Variants in GRAP2 observed in about 807,000 individuals in gnomAD.
GRAP2 encodes GRB2 related adaptor protein 2.
Under a neutral mutation model 43.5 loss-of-function variants are expected in GRAP2, and 31 were observed. The observed-to-expected ratio is 0.71, with a 90% CI of 0.54 to 0.96. The LOEUF (loss-of-function observed/expected upper bound fraction) is 0.96, where lower values mean the gene tolerates loss of function less well. GRAP2 is among the 40% of genes least tolerant of loss of function. The probability of loss-of-function intolerance (pLI) is 0.00; values close to 1 mark genes in which losing one functional copy is unlikely to be tolerated. For synonymous variants in GRAP2, 156 were observed against 164.8 expected (o/e 0.95, Z 0.41); for missense variants, 371 against 424.4 (o/e 0.87, Z 1.11).
In GRAP2 at chr22:39,971,351, C is replaced by T. The variant is rs547919941; in HGVS notation, c.*267C>T. ...GGCAGTGGGGGAGTTGGGAGGGGGG[C>T]AGGGAAATGAAATGGAGTTTTGTCC... On this transcript the variant is annotated 3_prime_UTR_variant, in exon 8 of 8. Transcript: ENST00000344138. The T allele has an allele frequency of 1.7e-4, 76 of 449,180 alleles. No individual in the cohort carries two copies. The highest frequency in any genetic ancestry group is 3.6e-5 in the South Asian group (1 of 28,162). The allele number at this position is 449,180 out of a possible 1,614,324, so 27.8% of individuals were successfully genotyped here.
intron 2 of GRAP2, chr22:39,947,956 CCCTCAGATAGCCTGATCCCTGGT>C (rs1319410807): frequency 5.2e-4 from 80 of 152,440 alleles, no homozygotes; most frequent in South Asian, 1.2e-3. Context: ...CCTCAGAGCA[CCCTCAGATAGCCTGATCCCTGGT>C]CCTCAGATAG....
intron 1 of GRAP2, among the ~76,000 whole-genome samples, chr22:39,911,630 G>A (rs181651933): frequency 6.6e-6 from 1 of 151,972 alleles, no homozygotes; most frequent in Non-Finnish European, 1.5e-5. Flanking sequence ...CAGTTTTTTT[G>A]TTCCTTATAG....
At chr22:39,927,546 C>G (rs1038383643) in intron 1 of GRAP2, among the ~76,000 whole-genome samples, 3 of 152,204 alleles carry the variant, frequency 2.0e-5, no homozygotes, top group Admixed American at 2.0e-4. Context: ...TTTTCTTCCT[C>G]AAACAAATGG....
At chr22:39,907,666 C>G (rs550689685) in intron 1 of GRAP2, among the ~76,000 whole-genome samples, 299 of 152,070 alleles carry the variant, frequency 2.0e-3, no homozygotes, top group Non-Finnish European at 3.5e-3. Flanking sequence ...CCCTTGAGCC[C>G]AAGAGATCAA....
At position 39,970,978 on chromosome 22, in the gene GRAP2, A is replaced by C. The variant is rs1169777491; in HGVS notation, c.887A>C (p.Glu296Ala). Reference protein sequence around the residue: ...EDDELGFHSGEVVEVLDSSNP... With the variant: ...EDDELGFHSGAVVEVLDSSNP... ...GACGAGCTGGGGTTCCACAGCGGGG[A>C]GGTGGTGGAGGTCCTGGATAGCTCC... Residue 296 changes from glutamate to alanine, a missense_variant, in exon 8 of 8, where the codon GAG becomes GCG. Transcript: ENST00000344138. The C allele has an allele frequency of 1.9e-6, 3 of 1,613,434 alleles. No homozygotes were observed. In the Admixed American group the frequency reaches 5.0e-5, roughly 27 times the overall value.
chr22:39,959,016 G>A (rs552665640), intron 3 of GRAP2, among the ~76,000 whole-genome samples: 2 of 152,350 alleles, frequency 1.3e-5, no homozygotes, highest in East Asian at 3.9e-4. Context: ...TGCTCACAAA[G>A]GAATCCAAAG....
chr22:39,911,702 C>T (rs979456071), intron 1 of GRAP2, among the ~76,000 whole-genome samples: 1 of 152,016 alleles, frequency 6.6e-6, no homozygotes, highest in Non-Finnish European at 1.5e-5. Flanking sequence ...TGTGATGTTG[C>T]TCTTGTGACC....
chr22:39,961,460 A>T (rs966755337), intron 4 of GRAP2, among the ~76,000 whole-genome samples: 1 of 152,226 alleles, frequency 6.6e-6, no homozygotes, highest in African/African-American at 2.4e-5. Flanking sequence ...GCTGAACAAA[A>T]AGAAAGGCTA....
At chr22:39,939,991 G>T (rs541653246) in intron 1 of GRAP2, among the ~76,000 whole-genome samples, 3 of 152,224 alleles carry the variant, frequency 2.0e-5, no homozygotes, top group South Asian at 2.1e-4. Context: ...AAGCACTGGT[G>T]GGGGGCCCAG....
chr22:39,938,618 GC>G (rs1260576455), intron 1 of GRAP2, among the ~76,000 whole-genome samples: 3 of 152,352 alleles, frequency 2.0e-5, no homozygotes, highest in African/African-American at 7.2e-5. Flanking sequence ...GTGACTGTGG[GC>G]TGAGCCTGAG....
At chr22:39,921,766 C>T (rs1487387607) in intron 1 of GRAP2, among the ~76,000 whole-genome samples, 3 of 152,140 alleles carry the variant, frequency 2.0e-5, no homozygotes, top group Non-Finnish European at 2.9e-5. Context: ...TCCATTAGCT[C>T]AAATGTTTAA....
rs557081629 is a variant in GRAP2, at chr22:39,952,323, G to A, written c.79-3496G>A. Among the ~76,000 whole-genome samples, 21 of 152,176 alleles carry A rather than the reference G, an allele frequency of 1.4e-4. 1 individual carries two copies. In the South Asian group the frequency reaches 3.1e-3, roughly 23 times the overall value. On this transcript the variant is annotated intron_variant, in intron 2 of 7. Transcript: ENST00000344138. ...ATTATAAGCGTGAGCCATGGCACCC[G>A]GCCTCAACGTGTGGTTCTTACGGTG...
At chr22:39,898,191 C>T (rs772220633), upstream of GRAP2, among the ~76,000 whole-genome samples, 3 of 152,218 alleles carry the variant, frequency 2.0e-5, no homozygotes, top group Non-Finnish European at 4.4e-5. Context: ...AGACTTTGCT[C>T]AAATGTCCTT....
rs140998958 is a variant in GRAP2, at chr22:39,956,813, A to G, written c.170+903A>G. Among the ~76,000 whole-genome samples, 375 of 152,278 alleles carry G rather than the reference A, an allele frequency of 2.5e-3. 4 individuals carry two copies. The highest frequency in any genetic ancestry group is 8.9e-3 in the African/African-American group (368 of 41,558). On this transcript the variant is annotated intron_variant, in intron 3 of 7. Transcript: ENST00000344138. ...ATGAGTTTGTAAACTCAAATTATCT[A>G]TAGTGATTTCAATCACGGCGTTCCC... is the stretch of plus-strand genomic sequence containing the variant.
At chr22:39,907,077 G>A (rs1210493488) in intron 1 of GRAP2, among the ~76,000 whole-genome samples, 2 of 152,094 alleles carry the variant, frequency 1.3e-5, no homozygotes, top group Non-Finnish European at 2.9e-5. Context: ...TCATTAAATC[G>A]GTAAGAATAA....
At chr22:39,902,779 A>T (rs557133908) in intron 1 of GRAP2, among the ~76,000 whole-genome samples, 1 of 152,302 alleles carries the variant, frequency 6.6e-6, no homozygotes, top group South Asian at 2.1e-4. Flanking sequence ...ATCCCTTTCA[A>T]TTGTTCTGTC....
At chr22:39,969,625 C>A (rs533930067) in intron 7 of GRAP2, 92 bp downstream of exon 7, 1 of 1,408,942 alleles carries the variant, frequency 7.1e-7, no homozygotes. Context: ...TCAAACCACA[C>A]AGATCTGGCT....
intron 5 of GRAP2, among the ~76,000 whole-genome samples, chr22:39,967,081 C>G (rs2067182639): frequency 6.6e-6 from 1 of 152,164 alleles, no homozygotes; most frequent in Non-Finnish European, 1.5e-5. Context: ...TAGGAAGAAG[C>G]ATTCACTAGA....
At chr22:39,899,727 A>G (rs2066481330), upstream of GRAP2, among the ~76,000 whole-genome samples, 3 of 152,198 alleles carry the variant, frequency 2.0e-5, no homozygotes, top group African/African-American at 4.8e-5. Flanking sequence ...TCATGCCTGT[A>G]ATCCCAGCAC....
Sources: allele counts gnomAD v4.1 joint callset (sites outside exome capture counted in the v4.1 genomes callset), GRCh38; gene constraint gnomAD v4.1.1; transcripts MANE v1.5; gene names NCBI Gene and HGNC (gene_info 2026-07-23, HGNC 2026-07-21).